STAU1: variants seen among roughly 807,000 people sequenced by gnomAD.
STAU1 encodes staufen double-stranded RNA binding protein 1.
In STAU1, 13 loss-of-function variants were observed where a neutral mutation model predicts 62.9. The observed-to-expected ratio is 0.21, with a 90% CI of 0.13 to 0.33. The LOEUF (loss-of-function observed/expected upper bound fraction) is 0.33. Among genes scored for constraint, STAU1 ranks in the 10% least tolerant of loss-of-function variants. The pLI, the probability that STAU1 is intolerant of heterozygous loss-of-function variation, is 1.00. For synonymous variants in STAU1, 269 were observed against 265.1 expected (o/e 1.01, Z -0.14); for missense variants, 571 against 712.1 (o/e 0.80, Z 2.25).
intron 1 of STAU1, among the ~76,000 whole-genome samples, chr20:49,182,794 A>T (rs1034303477): frequency 6.7e-6 from 1 of 150,070 alleles, no homozygotes; most frequent in Non-Finnish European, 1.5e-5. Flanking sequence ...AGCCGAGATC[A>T]CACCACTGCA....
upstream of STAU1, among the ~76,000 whole-genome samples, chr20:49,189,362 C>G (rs997716963): frequency 6.6e-6 from 1 of 151,542 alleles, no homozygotes; most frequent in Non-Finnish European, 1.5e-5. Flanking sequence ...TGGCCAGGCG[C>G]AGTGGCTCAC....
upstream of STAU1, among the ~76,000 whole-genome samples, chr20:49,190,051 T>G (rs1430045114): frequency 1.3e-5 from 2 of 152,150 alleles, no homozygotes; most frequent in African/African-American, 4.8e-5. Context: ...TAAGCAACAT[T>G]CAGATATTGT....
At chr20:49,199,291 C>T in the STAU1 span, among the ~76,000 whole-genome samples, 7 of 150,640 alleles carry the variant, frequency 4.6e-5, no homozygotes, top group South Asian at 2.1e-4. Flanking sequence ...ATTGCAGTGG[C>T]GCGATCTCGG....
intron 2 of STAU1, among the ~76,000 whole-genome samples, chr20:49,173,876 T>G (rs559800091): frequency 4.7e-4 from 72 of 152,208 alleles, no homozygotes; most frequent in Middle Eastern, 3.4e-3. Context: ...AATCAAAGGG[T>G]TTTTTTAAAA....
At chr20:49,119,382 T>G (rs1304776882) in intron 9 of STAU1, among the ~76,000 whole-genome samples, 2 of 152,162 alleles carry the variant, frequency 1.3e-5, no homozygotes, top group Non-Finnish European at 2.9e-5. Context: ...TTCATCATGT[T>G]GCTCAGACTG....
chr20:49,125,244 A>G (rs192515117), intron 6 of STAU1, among the ~76,000 whole-genome samples: 1 of 147,388 alleles, frequency 6.8e-6, no homozygotes, highest in Non-Finnish European at 1.5e-5. Context: ...AAAAAAATCA[A>G]TGGGCTGGAC....
chr20:49,209,092 C>T, the STAU1 span, among the ~76,000 whole-genome samples: 6 of 151,686 alleles, frequency 4.0e-5, no homozygotes, highest in East Asian at 1.9e-4. Flanking sequence ...CATACCGCCA[C>T]GCCCAGCTAA....
intron 1 of STAU1, among the ~76,000 whole-genome samples, chr20:49,177,903 A>G (rs1480934494): frequency 6.6e-6 from 1 of 151,858 alleles, no homozygotes; most frequent in Admixed American, 6.6e-5. Context: ...TGTTTTGGCC[A>G]GGTGTGGTGG....
the STAU1 span, chr20:49,219,217 G>A: frequency 2.5e-6 from 2 of 796,528 alleles, no homozygotes; most frequent in African/African-American, 1.8e-5. Flanking sequence ...TGAGGCCGGA[G>A]ACAATGGAAT....
At position 49,117,739 on chromosome 20, in the gene STAU1, C is replaced by T. The variant is rs1294553145; in HGVS notation, c.1509+38G>A. ...TGAGAGAAGCCAAAAGATGACTGTC[C>T]TGAGGCACAGCCATCACAGCTCAGG... is the stretch of plus-strand genomic sequence containing the variant. On this transcript the variant is annotated intron_variant, in intron 11 of 13. Coordinates refer to ENST00000371856, the MANE Select transcript of STAU1 (RefSeq NM_017453.4). The surrounding 1 kb of genome is among the most constrained non-coding windows in gnomAD (Gnocchi z 4.6). 1 of 1,558,990 alleles carries T rather than the reference C, an allele frequency of 6.4e-7. No individual in the cohort carries two copies. Among genetic ancestry groups the T allele is most frequent in the South Asian group, 1.2e-5 (1 of 84,416 alleles).
intron 2 of STAU1, among the ~76,000 whole-genome samples, chr20:49,170,099 A>G (rs1264669272): frequency 1.3e-5 from 2 of 152,170 alleles, no homozygotes; most frequent in East Asian, 3.8e-4. Context: ...ATTATACATG[A>G]TGTACTAAAA....
the STAU1 span, among the ~76,000 whole-genome samples, chr20:49,195,312 C>A: frequency 1.3e-5 from 2 of 151,076 alleles, no homozygotes; most frequent in Non-Finnish European, 2.9e-5. Flanking sequence ...CCGAGGCAGG[C>A]GGATCACGAA....
In STAU1 at chr20:49,119,990, C is replaced by G; in HGVS notation, c.1105G>C (p.Glu369Gln). Reference sequence around the variant, plus strand: ...GAGCCCACAGCACTCACCTTCTCCTCTGACTTGAGTGCGGGTTTGGTGGGC... The same window carrying G: ...GAGCCCACAGCACTCACCTTCTCCTGTGACTTGAGTGCGGGTTTGGTGGGC... The part of the protein sequence containing the change: ...AQPTKPALKS[E>Q]EKTPIKKPGD... Residue 369 changes from glutamate (E) to glutamine (Q), a missense_variant, in exon 9 of 14, where the codon GAG becomes CAG. By Grantham distance (29) the Glu-to-Gln change is conservative (BLOSUM62 2). Transcript: ENST00000371856. 1 of 1,614,070 alleles carries G rather than the reference C, an allele frequency of 6.2e-7. No individual in the cohort carries two copies. The highest frequency in any genetic ancestry group is 8.5e-7 in the Non-Finnish European group (1 of 1,179,944).
chr20:49,119,787 A>G (rs564459233), intron 9 of STAU1, among the ~76,000 whole-genome samples, 195 bp downstream of exon 9: 1 of 152,280 alleles, frequency 6.6e-6, no homozygotes, highest in South Asian at 2.1e-4. Context: ...TCTAACCCAG[A>G]GCCTCCTGGG....
At chr20:49,190,995 A>G (rs2093830499), upstream of STAU1, among the ~76,000 whole-genome samples, 1 of 149,586 alleles carries the variant, frequency 6.7e-6, no homozygotes, top group Non-Finnish European at 1.5e-5. Flanking sequence ...TGCAAAGCTC[A>G]TAAAAGCCCT....
rs559693349 is a variant in STAU1, at chr20:49,131,943, GTAACTTTTAGA to G, written c.609+3879_609+3889del. Among the ~76,000 whole-genome samples, 4 of 151,992 alleles carry G rather than the reference GTAACTTTTAGA, an allele frequency of 2.6e-5. No individual in the cohort carries two copies. In the East Asian group the frequency reaches 7.7e-4, roughly 29 times the overall value. ...AAGTTATATTCATTGTCCTATTCTT[GTAACTTTTAGA>G]TAGATTTGAAATTTTTGAAGTAAAA... On this transcript the variant is annotated intron_variant, in intron 6 of 13. Coordinates refer to ENST00000371856, the MANE Select transcript of STAU1 (RefSeq NM_017453.4).
At chr20:49,122,235 T>C (rs1471534926) in intron 8 of STAU1, among the ~76,000 whole-genome samples, 1 of 152,150 alleles carries the variant, frequency 6.6e-6, no homozygotes, top group African/African-American at 2.4e-5. Context: ...TACAAAGAAA[T>C]GTTCCATACT....
chr20:49,126,574 C>CAAAAAAAAAAAAAAAAAAA (rs58056780), intron 6 of STAU1, among the ~76,000 whole-genome samples: 2 of 25,018 alleles, frequency 8.0e-5, no homozygotes, highest in Non-Finnish European at 1.6e-4. Flanking sequence ...TCTCAAAAAG[C>CAAAAAAAAAAAAAAAAAAA]AAAAAAAAAA....
upstream of STAU1, among the ~76,000 whole-genome samples, chr20:49,190,184 A>G (rs1389572105): frequency 6.6e-6 from 1 of 152,240 alleles, no homozygotes; most frequent in African/African-American, 2.4e-5. Context: ...GCACAATCAG[A>G]CAATCTCGTC....
Sources: gnomAD v4.1 joint callset for allele counts (sites outside exome capture counted in the v4.1 genomes callset) on GRCh38, gnomAD v4.1.1 for gene constraint, Gnocchi (gnomAD v3.1) non-coding constraint, MANE v1.5 for transcripts, NCBI Gene and HGNC (gene_info 2026-07-23, HGNC 2026-07-21) for gene names.